VIPR2: variants seen among roughly 807,000 people sequenced by gnomAD.
The protein encoded by VIPR2 is vasoactive intestinal polypeptide receptor 2.
Under a neutral mutation model 58.0 loss-of-function variants are expected in VIPR2, and 48 were observed. That is an observed-to-expected ratio of 0.83 (90% confidence interval 0.66 to 1.05). VIPR2 has a LOEUF of 1.05. Ranked by LOEUF, VIPR2 falls within the 50% of genes least tolerant of loss-of-function variation. VIPR2 has a pLI of 0.00. For missense variants in VIPR2, 534 were observed against 558.0 expected (o/e 0.96, Z 0.43); for synonymous variants, 243 against 235.2 (o/e 1.03, Z -0.30).
Position 159,095,458 on chromosome 7 carries a change from ATG to A in VIPR2, c.357+8297_357+8298del, listed in dbSNP as rs1286563497. Among the ~76,000 whole-genome samples the A allele has an allele frequency of 6.6e-6, 1 of 152,242 alleles. No homozygotes were observed. The highest frequency in any genetic ancestry group is 1.9e-4 in the East Asian group (1 of 5,194). Reference sequence around the variant, plus strand: ...TGCTAAGAAAGATACAGCAGAGAGAATGTGACAACTGAGTTTCCTCTTTGTAC... The same window carrying A: ...TGCTAAGAAAGATACAGCAGAGAGAATGACAACTGAGTTTCCTCTTTGTAC... On this transcript the variant is annotated intron_variant, in intron 4 of 12. Transcript: ENST00000262178. This position sits in a 1 kb window ranked among gnomAD's most constrained non-coding sequence, Gnocchi z 5.2.
chr7:159,136,629 G>A (rs1156411668), intron 2 of VIPR2, among the ~76,000 whole-genome samples: 2 of 152,156 alleles, frequency 1.3e-5, no homozygotes, highest in Non-Finnish European at 2.9e-5. Context: ...TGTGGGTTTC[G>A]TTTCCACTGA....
intron 4 of VIPR2, among the ~76,000 whole-genome samples, chr7:159,091,426 G>A (rs1210752006): frequency 6.6e-6 from 1 of 152,226 alleles, no homozygotes; most frequent in Non-Finnish European, 1.5e-5. Context: ...ATGGTGCCAG[G>A]TGCTCTGTGA....
intron 3 of VIPR2, among the ~76,000 whole-genome samples, chr7:159,109,306 A>T (rs544321302): frequency 6.6e-6 from 1 of 152,210 alleles, no homozygotes; most frequent in East Asian, 1.9e-4. Flanking sequence ...AAGCCCAGAG[A>T]AACTGCAAAT....
At chr7:159,102,671 C>T (rs1304492632) in intron 4 of VIPR2, among the ~76,000 whole-genome samples, 5 of 152,214 alleles carry the variant, frequency 3.3e-5, no homozygotes, top group African/African-American at 1.2e-4. Flanking sequence ...GGCAGCATTG[C>T]CACCATCCCC....
chr7:159,048,261 G>A (rs1355530891), intron 5 of VIPR2, among the ~76,000 whole-genome samples: 2 of 152,182 alleles, frequency 1.3e-5, no homozygotes, highest in Non-Finnish European at 2.9e-5. Context: ...TATTTAACTT[G>A]AGAAGACATA....
Position 159,039,555 on chromosome 7 carries a change from G to C in VIPR2, c.598-2653C>G, listed in dbSNP as rs1240368359. ...GGCTGGAGGCTTCTTTATGCTGCCA[G>C]AATTCACATGTTGAAGCCCCACCCG... On this transcript the variant is annotated intron_variant, in intron 6 of 12. Coordinates refer to ENST00000262178, the MANE Select transcript of VIPR2 (RefSeq NM_003382.5). Among the ~76,000 whole-genome samples the C allele has an allele frequency of 3.9e-5, 6 of 152,110 alleles. No individual in the cohort carries two copies. The East Asian group carries it at 1.2e-3, about 29-fold the overall frequency.
intron 4 of VIPR2, among the ~76,000 whole-genome samples, chr7:159,081,928 C>G (rs1298623966): frequency 6.6e-6 from 1 of 152,180 alleles, no homozygotes; most frequent in Non-Finnish European, 1.5e-5. Context: ...CCATATCACA[C>G]CAATTAGAAT....
At chr7:159,105,039 C>G (rs1406490699) in intron 3 of VIPR2, among the ~76,000 whole-genome samples, 2 of 152,264 alleles carry the variant, frequency 1.3e-5, no homozygotes, top group Non-Finnish European at 2.9e-5. Context: ...TGTTCCCTTA[C>G]AATCTCATCT....
rs1313271070 is a variant in VIPR2, at chr7:159,099,633, G to A, written c.357+4124C>T. 6.6e-6 allele frequency among the ~76,000 whole-genome samples: 1 copy of A among 152,174 alleles called. No individual in the cohort carries two copies. The highest frequency in any genetic ancestry group is 1.5e-5 in the Non-Finnish European group (1 of 68,040). On this transcript the variant is annotated intron_variant, in intron 4 of 12. Coordinates refer to ENST00000262178, the MANE Select transcript of VIPR2 (RefSeq NM_003382.5). This position sits in a 1 kb window ranked among gnomAD's most constrained non-coding sequence, Gnocchi z 4.2. Reference sequence around the variant, plus strand: ...CGGGGCTCTGGGTGACGCTGCTGGGGGCCTTGGTCTCTGCTCTTCACCAGC... The same window carrying A: ...CGGGGCTCTGGGTGACGCTGCTGGGAGCCTTGGTCTCTGCTCTTCACCAGC...
intron 5 of VIPR2, among the ~76,000 whole-genome samples, chr7:159,055,853 A>G (rs1855291708): frequency 6.6e-6 from 1 of 152,160 alleles, no homozygotes. Context: ...TGCTCGTTTT[A>G]AATTTTCACT....
At chr7:159,115,036 A>G (rs1796186019) in intron 2 of VIPR2, among the ~76,000 whole-genome samples, 1 of 152,082 alleles carries the variant, frequency 6.6e-6, no homozygotes, top group South Asian at 2.1e-4. Context: ...TAGAGAAAAA[A>G]CCCTAGAACT....
At chr7:159,125,083 G>A (rs1314195578) in intron 2 of VIPR2, among the ~76,000 whole-genome samples, 1 of 152,208 alleles carries the variant, frequency 6.6e-6, no homozygotes, top group African/African-American at 2.4e-5. Flanking sequence ...ATCTGCAAAA[G>A]GGGTAAGTTG....
In VIPR2 at chr7:159,101,830, GT is replaced by G. The variant is rs568467898; in HGVS notation, c.357+1926del. Among the ~76,000 whole-genome samples, 716 of 139,484 alleles carry G rather than the reference GT, an allele frequency of 5.1e-3. 21 individuals are homozygous for G. Among genetic ancestry groups the G allele is most frequent in the African/African-American group, 0.019 (643 of 33,428 alleles). The allele number at this position is 139,484 out of a possible 152,430, so 91.5% of individuals were successfully genotyped here. A position where few individuals can be genotyped will look rare whatever the true frequency, so the allele number is the denominator to read the frequency against. ...GGCCGTTCCCCCGACCGTTCCTGTG[GT>G]AGTGAACGGGTCTCACGAGATCCGA... On this transcript the variant is annotated intron_variant, in intron 4 of 12. Coordinates refer to ENST00000262178, the MANE Select transcript of VIPR2 (RefSeq NM_003382.5).
chr7:159,138,709 C>T (rs188934576), intron 2 of VIPR2, among the ~76,000 whole-genome samples: 6 of 152,354 alleles, frequency 3.9e-5, no homozygotes, highest in Admixed American at 1.3e-4. Context: ...GAAGGAAAAG[C>T]GGGGTCTACC....
At chr7:159,111,542 T>G (rs770295822) in intron 2 of VIPR2, among the ~76,000 whole-genome samples, 2 of 151,926 alleles carry the variant, frequency 1.3e-5, no homozygotes, top group Non-Finnish European at 2.9e-5. Flanking sequence ...TAGCCGGGTG[T>G]GGTGGTACAC....
intron 4 of VIPR2, among the ~76,000 whole-genome samples, chr7:159,101,709 C>T (rs1463904176): frequency 3.4e-5 from 5 of 146,546 alleles, no homozygotes; most frequent in African/African-American, 1.0e-4. Context: ...GAGGCGGTTC[C>T]GACTGTTCCT....
chr7:159,132,706 C>CA (rs1331460703), intron 2 of VIPR2, among the ~76,000 whole-genome samples: 1 of 152,142 alleles, frequency 6.6e-6, no homozygotes, highest in African/African-American at 2.4e-5. Flanking sequence ...CATTCAAGAA[C>CA]AAGGAATCGT....
chr7:159,105,202 C>T (rs553040664), intron 3 of VIPR2, among the ~76,000 whole-genome samples: 8 of 152,272 alleles, frequency 5.3e-5, no homozygotes, highest in Non-Finnish European at 1.0e-4. Context: ...CACTGAACGC[C>T]GTGCCAGCCT....
chr7:159,120,083 T>C (rs935909656), intron 2 of VIPR2, among the ~76,000 whole-genome samples: 4 of 152,142 alleles, frequency 2.6e-5, no homozygotes, highest in African/African-American at 9.7e-5. Context: ...GCCCCTCACC[T>C]CTGCAGGGGC....
Sources: gnomAD v4.1 joint callset for allele counts (sites outside exome capture counted in the v4.1 genomes callset) on GRCh38, gnomAD v4.1.1 for gene constraint, Gnocchi (gnomAD v3.1) non-coding constraint, MANE v1.5 for transcripts, NCBI Gene and HGNC (gene_info 2026-07-23, HGNC 2026-07-21) for gene names.